Variants in UGT2B7 observed in about 807,000 individuals in gnomAD.
UGT2B7 encodes UDP glucuronosyltransferase family 2 member B7, also known as UDP-glucuronosyltransferase 2B7.
Under a neutral mutation model 51.9 loss-of-function variants are expected in UGT2B7, and 51 were observed. The observed-to-expected ratio is 0.98, with a 90% CI of 0.78 to 1.24. The LOEUF is 1.24. Ranked by LOEUF, UGT2B7 falls within the 50% of genes most tolerant of loss-of-function variation. The pLI, the probability that UGT2B7 is intolerant of heterozygous loss-of-function variation, is 0.00. For missense variants in UGT2B7, 727 were observed against 628.4 expected (o/e 1.16, Z -1.68); for synonymous variants, 225 against 211.6 (o/e 1.06, Z -0.55).
At chr4:69,064,036 GAAAGAAA>G (rs1718418057) in intron 1 of UGT2B7, among the ~76,000 whole-genome samples, 6 of 79,728 alleles carry the variant, frequency 7.5e-5, no homozygotes, top group Non-Finnish European at 1.4e-4. Context: ...AAGAAAGAAA[GAAAGAAA>G]GAAAGAAAGA....
At position 69,074,427 on chromosome 4, in the gene UGT2B7, A is replaced by AATATATATATATATAT. The variant is rs143693621; in HGVS notation, c.-158-15041_-158-15026dup. Among the ~76,000 whole-genome samples, 885 of 116,016 alleles carry AATATATATATATATAT rather than the reference A, an allele frequency of 7.6e-3. 15 individuals are homozygous for AATATATATATATATAT. Among genetic ancestry groups the AATATATATATATATAT allele is most frequent in the African/African-American group, 0.022 (668 of 30,132 alleles). 76.1% of individuals were successfully genotyped at this position (116,016 alleles called of 152,430 possible). ...GACGATGGAATAACACCTTATCTTA[A>AATATATATATATATAT]ATATATATATATATATATAAATTAA... On this transcript the variant is annotated intron_variant, in intron 1 of 5. Transcript: ENST00000502942.
chr4:69,064,080 GAAAGAAAGAA>G lies in UGT2B7; in HGVS notation c.-159+12480_-159+12489del, dbSNP rs1560499700. 4.2e-4 allele frequency among the ~76,000 whole-genome samples: 44 copies of G among 104,798 alleles called. 1 individual carries two copies. The highest frequency in any genetic ancestry group is 1.4e-3 in the African/African-American group (28 of 19,538). The allele number at this position is 104,798 out of a possible 152,430, so 68.8% of individuals were successfully genotyped here. On this transcript the variant is annotated intron_variant, in intron 1 of 5. Transcript: ENST00000502942. ...AGAAAGAAAGAAAGAAAGAAAGAAA[GAAAGAAAGAA>G]AGAAAGAGAAAGAAAGAAAGAAAAA...
At chr4:69,105,746 T>G (rs1719575968) in intron 3 of UGT2B7, among the ~76,000 whole-genome samples, 1 of 152,182 alleles carries the variant, frequency 6.6e-6, no homozygotes. Flanking sequence ...AAGTAGTGCT[T>G]GATAATTTAT....
At chr4:69,112,396 T>C in intron 5 of UGT2B7, 61 bp from the exon 6 acceptor site, 1 of 1,559,968 alleles carries the variant, frequency 6.4e-7, no homozygotes. Context: ...TAACTCGGTG[T>C]CTGAGGGGTT....
chr4:69,073,861 C>G (rs1463524022), intron 1 of UGT2B7, among the ~76,000 whole-genome samples: 1 of 152,088 alleles, frequency 6.6e-6, no homozygotes, highest in Non-Finnish European at 1.5e-5. Context: ...CTCTTTTGGG[C>G]TCTATCAGTC....
At chr4:69,053,227 C>T (rs1369982891) in intron 1 of UGT2B7, among the ~76,000 whole-genome samples, 1 of 152,038 alleles carries the variant, frequency 6.6e-6, no homozygotes, top group Non-Finnish European at 1.5e-5. Context: ...TAAAATTTAG[C>T]TTATCTGGTA....
chr4:69,101,067 T>C (rs1297239315), intron 2 of UGT2B7, among the ~76,000 whole-genome samples: 2 of 152,094 alleles, frequency 1.3e-5, no homozygotes, highest in African/African-American at 4.8e-5. Flanking sequence ...TAAAAACTTA[T>C]ACTATGTGCA....
Position 69,096,825 on chromosome 4 carries a change from A to C in UGT2B7, c.305A>C (p.Lys102Thr), listed in dbSNP as rs1298255495. 1 of 1,613,866 alleles carries C rather than the reference A, an allele frequency of 6.2e-7. No homozygotes were observed. The highest frequency in any genetic ancestry group is 8.5e-7 in the Non-Finnish European group (1 of 1,179,880). The change falls in exon 1 of 6, where the codon AAA becomes ACA. Residue 102 changes from lysine to threonine, a missense_variant. Transcript: ENST00000305231. Reference sequence around the variant, plus strand: ...ATTAAGAGATGGTCAGACCTTCCAAAAGATACATTTTGGTTATATTTTTCA... The same window carrying C: ...ATTAAGAGATGGTCAGACCTTCCAACAGATACATTTTGGTTATATTTTTCA... ...QQIKRWSDLP[K>T]DTFWLYFSQV...
At chr4:69,089,984 A>G (rs1560506339) in intron 2 of UGT2B7, among the ~76,000 whole-genome samples, 1 of 152,208 alleles carries the variant, frequency 6.6e-6, no homozygotes, top group Non-Finnish European at 1.5e-5. Flanking sequence ...ACAAAGATAG[A>G]GAAGAATTAT....
chr4:69,102,193 T>C, intron 2 of UGT2B7, among the ~76,000 whole-genome samples: 1 of 152,334 alleles, frequency 6.6e-6, no homozygotes, highest in South Asian at 2.1e-4. Flanking sequence ...TTATTTATTT[T>C]ATTTTTTTTA....
chr4:69,109,456 T>C (rs1719711724), intron 5 of UGT2B7, among the ~76,000 whole-genome samples: 1 of 152,156 alleles, frequency 6.6e-6, no homozygotes, highest in African/African-American at 2.4e-5. Flanking sequence ...TCTCTCATCC[T>C]GGTCTTGGAT....
At chr4:69,072,454 C>T (rs563937550) in intron 1 of UGT2B7, among the ~76,000 whole-genome samples, 2 of 152,116 alleles carry the variant, frequency 1.3e-5, no homozygotes, top group Non-Finnish European at 2.9e-5. Context: ...GAAGCTGAGT[C>T]TATCGATGTC....
intron 1 of UGT2B7, among the ~76,000 whole-genome samples, chr4:69,079,433 C>A (rs981247348): frequency 6.6e-6 from 1 of 152,208 alleles, no homozygotes; most frequent in Non-Finnish European, 1.5e-5. Context: ...TGTATACATA[C>A]GTAACAAACC....
At chr4:69,080,890 C>T (rs1214858164) in intron 1 of UGT2B7, among the ~76,000 whole-genome samples, 1 of 152,054 alleles carries the variant, frequency 6.6e-6, no homozygotes, top group Non-Finnish European at 1.5e-5. Flanking sequence ...CTTTTATTCT[C>T]TACATACCAT....
chr4:69,081,206 A>G (rs1342513213), intron 1 of UGT2B7, among the ~76,000 whole-genome samples: 6 of 152,200 alleles, frequency 3.9e-5, no homozygotes, highest in African/African-American at 7.2e-5. Flanking sequence ...CCATTCAGGT[A>G]GAAACCATAT....
At chr4:69,059,341 A>G (rs1459660914) in intron 1 of UGT2B7, among the ~76,000 whole-genome samples, 1 of 152,192 alleles carries the variant, frequency 6.6e-6, no homozygotes, top group Non-Finnish European at 1.5e-5. Context: ...GAGAAGTCCA[A>G]CCTGAATTCT....
chr4:69,106,830 G>C (rs554175079), intron 3 of UGT2B7, among the ~76,000 whole-genome samples: 2 of 149,288 alleles, frequency 1.3e-5, no homozygotes, highest in East Asian at 3.9e-4. Context: ...GTTTTGATTT[G>C]CATTTCTCTA....
chr4:69,098,839 C>G, intron 2 of UGT2B7, 151 bp downstream of exon 2: 3 of 1,297,448 alleles, frequency 2.3e-6, no homozygotes, highest in Non-Finnish European at 3.2e-6. Flanking sequence ...CTCATGTGCA[C>G]GTTAATACCA....
intron 1 of UGT2B7, among the ~76,000 whole-genome samples, chr4:69,069,218 G>A (rs964007793): frequency 6.6e-6 from 1 of 151,920 alleles, no homozygotes; most frequent in Non-Finnish European, 1.5e-5. Context: ...CTCTTGGTCA[G>A]CGCCAACTTC....
Sources: gnomAD v4.1 joint callset for allele counts (sites outside exome capture counted in the v4.1 genomes callset) on GRCh38, gnomAD v4.1.1 for gene constraint, MANE v1.5 for transcripts, NCBI Gene and HGNC (gene_info 2026-07-23, HGNC 2026-07-21) for gene names.